Variants in CPNE4 observed in about 807,000 individuals in gnomAD.
The protein encoded by CPNE4 is copine-4.
In CPNE4, 25 loss-of-function variants were observed where a neutral mutation model predicts 67.9. The observed-to-expected ratio is 0.37, with a 90% CI of 0.27 to 0.51. The LOEUF is 0.51. Ranked by LOEUF, CPNE4 falls within the 20% of genes least tolerant of loss-of-function variation. CPNE4 has a pLI of 0.93. For missense variants in CPNE4, 464 were observed against 690.8 expected (o/e 0.67, Z 3.68); for synonymous variants, 242 against 244.9 (o/e 0.99, Z 0.11).
At chr3:131,910,273 C>T (rs2107787462) in intron 1 of CPNE4, among the ~76,000 whole-genome samples, 2 of 152,240 alleles carry the variant, frequency 1.3e-5, no homozygotes, top group Middle Eastern at 3.4e-3. Context: ...TTCCGAACTC[C>T]TACCCTGATC....
At chr3:131,864,456 T>G (rs1488322069) in intron 2 of CPNE4, among the ~76,000 whole-genome samples, 1 of 152,160 alleles carries the variant, frequency 6.6e-6, no homozygotes, top group Admixed American at 6.5e-5. Context: ...TTATTTTTTT[T>G]TCTTTGAAGC....
intron 3 of CPNE4, among the ~76,000 whole-genome samples, chr3:131,715,160 C>T (rs946956596): frequency 6.6e-6 from 1 of 152,230 alleles, no homozygotes; most frequent in African/African-American, 2.4e-5. Context: ...GAGCAATGCA[C>T]CTTCTGGGTG....
At chr3:131,893,286 T>C (rs2088188641) in intron 2 of CPNE4, among the ~76,000 whole-genome samples, 1 of 151,976 alleles carries the variant, frequency 6.6e-6, no homozygotes, top group South Asian at 2.1e-4. Context: ...CAATTGTAAA[T>C]ATATAGGCAC....
At chr3:132,022,574 A>T (rs1025800593) in intron 1 of CPNE4, among the ~76,000 whole-genome samples, 13 of 42,380 alleles carry the variant, frequency 3.1e-4, no homozygotes, top group Non-Finnish European at 7.8e-4. Flanking sequence ...ATACAAAAAA[A>T]AAATAATAAT....
intron 7 of CPNE4, among the ~76,000 whole-genome samples, chr3:131,650,174 A>T (rs1587679): frequency 6.6e-6 from 1 of 152,026 alleles, no homozygotes; most frequent in Non-Finnish European, 1.5e-5. Context: ...CTTTAATTAG[A>T]TATAATTCAA....
chr3:131,789,539 T>G (rs771515387), intron 2 of CPNE4, among the ~76,000 whole-genome samples: 7 of 152,182 alleles, frequency 4.6e-5, no homozygotes, highest in Non-Finnish European at 4.4e-5. Context: ...GAGATCATAA[T>G]AGTTGCCACT....
At chr3:131,952,289 G>A (rs533459331) in intron 1 of CPNE4, among the ~76,000 whole-genome samples, 17 of 150,916 alleles carry the variant, frequency 1.1e-4, no homozygotes, top group Middle Eastern at 3.6e-3. Context: ...TCTCTGCCCG[G>A]CTGCCCCATC....
intron 7 of CPNE4, among the ~76,000 whole-genome samples, chr3:131,611,146 A>G (rs1939815890): frequency 6.6e-6 from 1 of 152,180 alleles, no homozygotes; most frequent in Admixed American, 6.5e-5. Flanking sequence ...TTCACTGCCT[A>G]TAACAGTGTG....
At chr3:131,865,221 A>G (rs557931484) in intron 2 of CPNE4, among the ~76,000 whole-genome samples, 10 of 152,270 alleles carry the variant, frequency 6.6e-5, no homozygotes, top group African/African-American at 2.2e-4. Context: ...CTGGCCTCAT[A>G]AAATGAGTTA....
At chr3:131,542,462 G>A (rs1935557520) in intron 15 of CPNE4, 95 bp downstream of exon 15, 1 of 862,860 alleles carries the variant, frequency 1.2e-6, no homozygotes, top group African/African-American at 1.6e-5. Flanking sequence ...TTCAAGAATG[G>A]TGGATCACCA....
At chr3:131,889,901 G>T (rs2088038439) in intron 2 of CPNE4, among the ~76,000 whole-genome samples, 2 of 152,150 alleles carry the variant, frequency 1.3e-5, no homozygotes, top group African/African-American at 4.8e-5. Flanking sequence ...GCAAAAGAAT[G>T]AAATTGAGCT....
intron 7 of CPNE4, among the ~76,000 whole-genome samples, chr3:131,632,284 A>G (rs1393672512): frequency 6.6e-6 from 1 of 152,014 alleles, no homozygotes; most frequent in Non-Finnish European, 1.5e-5. Context: ...TGCTGGGATT[A>G]CAGGCATGAG....
At chr3:131,673,147 G>A (rs912649673) in intron 6 of CPNE4, among the ~76,000 whole-genome samples, 1 of 151,952 alleles carries the variant, frequency 6.6e-6, no homozygotes, top group African/African-American at 2.4e-5. Flanking sequence ...TGAACTCAAT[G>A]CATGTGTATG....
intron 1 of CPNE4, among the ~76,000 whole-genome samples, chr3:132,016,532 T>C (rs918067125): frequency 6.6e-6 from 1 of 152,146 alleles, no homozygotes; most frequent in African/African-American, 2.4e-5. Context: ...GAGATGGCAG[T>C]GTCCAGGAGT....
intron 2 of CPNE4, among the ~76,000 whole-genome samples, chr3:131,870,244 T>C (rs1369013519): frequency 2.0e-5 from 3 of 152,180 alleles, no homozygotes; most frequent in African/African-American, 7.2e-5. Flanking sequence ...AATTTGTTTA[T>C]CCACTCAGTT....
intron 10 of CPNE4, among the ~76,000 whole-genome samples, chr3:131,571,800 A>G (rs749630932): frequency 6.6e-6 from 1 of 151,960 alleles, no homozygotes; most frequent in Non-Finnish European, 1.5e-5. Flanking sequence ...TGGAACATGC[A>G]TTATCCACCA....
intron 9 of CPNE4, among the ~76,000 whole-genome samples, chr3:131,579,295 GA>G (rs1582834505): frequency 6.6e-6 from 1 of 152,036 alleles, no homozygotes; most frequent in East Asian, 1.9e-4. Context: ...AGTCTACTCA[GA>G]AAAAAAGATT....
chr3:131,848,127 T>C (rs984807058), intron 2 of CPNE4, among the ~76,000 whole-genome samples: 7 of 152,190 alleles, frequency 4.6e-5, no homozygotes, highest in African/African-American at 1.4e-4. Flanking sequence ...GAGTCTTACG[T>C]AAGGGGAGCT....
At position 131,624,509 on chromosome 3, in the gene CPNE4, AT is replaced by A. The variant is rs145857200; in HGVS notation, c.682-36928del. On this transcript the variant is annotated intron_variant, in intron 7 of 15. Coordinates refer to ENST00000429747, the MANE Select transcript of CPNE4 (RefSeq NM_130808.3). ...TTTTTGTCCCTTCCTCAATTTAACC[AT>A]TTTTTTTTTACATAGCAGAATAATG... Among the ~76,000 whole-genome samples the A allele has an allele frequency of 1.2e-3, 177 of 148,152 alleles. 2 individuals are homozygous for A. Among genetic ancestry groups the A allele is most frequent in the South Asian group, 0.011 (53 of 4,666 alleles).
Sources: allele counts gnomAD v4.1 joint callset (sites outside exome capture counted in the v4.1 genomes callset), GRCh38; gene constraint gnomAD v4.1.1; transcripts MANE v1.5; gene names NCBI Gene and HGNC (gene_info 2026-07-23, HGNC 2026-07-21).